MSS51: variants seen among roughly 807,000 people sequenced by gnomAD.
MSS51 encodes the protein putative protein MSS51 homolog, mitochondrial.
A neutral mutation model predicts 40.2 loss-of-function variants in MSS51; 32 were observed. The ratio of observed to expected loss-of-function variants is 0.80; its 90% CI spans 0.60 to 1.07. The LOEUF (loss-of-function observed/expected upper bound fraction) is 1.07, where lower values mean the gene tolerates loss of function less well. MSS51 is among the 50% of genes least tolerant of loss of function. MSS51 has a pLI of 0.00. For synonymous variants in MSS51, 178 were observed against 214.2 expected (o/e 0.83, Z 1.48); for missense variants, 518 against 568.9 (o/e 0.91, Z 0.91).
chr10:73,425,540 T>C (rs2132720684), intron 5 of MSS51, among the ~76,000 whole-genome samples: 1 of 151,674 alleles, frequency 6.6e-6, no homozygotes, highest in South Asian at 2.1e-4. Flanking sequence ...CAGGCGCCTG[T>C]AGTCCCAGCT....
In MSS51 at chr10:73,424,545, T is replaced by C. The variant is rs1403369308; in HGVS notation, c.*8A>G. On this transcript the variant is annotated 3_prime_UTR_variant, in exon 7 of 7. Transcript: ENST00000299432. ...TCCCCGTTTTCCAGATGTCCAGTTA[T>C]GATCTATTTAAATCCCGCCGTCCAC... 5 of 1,604,640 alleles carry C rather than the reference T, an allele frequency of 3.1e-6. No homozygotes were observed. Among genetic ancestry groups the C allele is most frequent in the South Asian group, 1.1e-5 (1 of 90,926 alleles).
Position 73,426,019 on chromosome 10 carries a change from A to G in MSS51, c.861T>C (p.Gly287=). ...LTRPGDYDEL[G]YMFPGHLGLR... ...GTCCAAGGTGCCCAGGAAACATGTA[A>G]CCAAGCTCATCATAGTCCCCTGGGC... Residue 287 remains glycine, a synonymous_variant, in exon 5 of 7, where the codon GGT becomes GGC. Coordinates refer to ENST00000299432, the MANE Select transcript of MSS51 (RefSeq NM_001024593.2). 6.2e-7 allele frequency: 1 copy of G among 1,614,188 alleles called. No individual in the cohort carries two copies. Among genetic ancestry groups the G allele is most frequent in the South Asian group, 1.1e-5 (1 of 91,086 alleles).
At chr10:73,432,061 C>T (rs1564542661) in intron 1 of MSS51, among the ~76,000 whole-genome samples, 1 of 152,174 alleles carries the variant, frequency 6.6e-6, no homozygotes, top group African/African-American at 2.4e-5. Flanking sequence ...TTCTTTGAGA[C>T]AGAGTCTCAC....
chr10:73,427,964 C>G, intron 2 of MSS51, 100 bp downstream of exon 2: 1 of 1,243,784 alleles, frequency 8.0e-7, no homozygotes, highest in East Asian at 2.5e-5. Context: ...TCTCTTATTG[C>G]AAATACTCCA....
At chr10:73,427,229 C>G (rs112623518) in intron 3 of MSS51, among the ~76,000 whole-genome samples, 6,862 of 148,322 alleles carry the variant, frequency 0.046, 494 homozygotes, top group African/African-American at 0.15. Context: ...TGAAAACTTT[C>G]AGATCTTTCC....
chr10:73,430,631 G>A (rs1487096264), intron 1 of MSS51, among the ~76,000 whole-genome samples: 1 of 151,474 alleles, frequency 6.6e-6, no homozygotes, highest in East Asian at 1.9e-4. Flanking sequence ...AAGTGTTGAT[G>A]AGGATATGGA....
At chr10:73,429,643 C>T (rs749591166) in intron 1 of MSS51, 32 of 456,406 alleles carry the variant, frequency 7.0e-5, no homozygotes, top group South Asian at 3.7e-4. Flanking sequence ...TGACTCTGTG[C>T]TGTCCTCTTT....
At chr10:73,426,776 TG>T (rs1157162160) in intron 3 of MSS51, 45 bp from the exon 4 acceptor site, 21 of 1,601,824 alleles carry the variant, frequency 1.3e-5, no homozygotes, top group Middle Eastern at 1.7e-4. Flanking sequence ...TAAATATGAT[TG>T]GGGTTATCGG....
At chr10:73,430,838 T>A (rs1322345161) in intron 1 of MSS51, among the ~76,000 whole-genome samples, 3 of 152,178 alleles carry the variant, frequency 2.0e-5, no homozygotes, top group Non-Finnish European at 4.4e-5. Flanking sequence ...AGCAGCACTA[T>A]TCGCAACAGC....
intron 1 of MSS51, among the ~76,000 whole-genome samples, chr10:73,432,448 T>C (rs1273172447): frequency 2.0e-5 from 3 of 152,170 alleles, no homozygotes; most frequent in African/African-American, 7.2e-5. Flanking sequence ...GAATTTATAA[T>C]AGATATCTCC....
chr10:73,428,963 G>C (rs1018066128), intron 1 of MSS51, among the ~76,000 whole-genome samples: 2 of 151,912 alleles, frequency 1.3e-5, no homozygotes, highest in African/African-American at 4.8e-5. Context: ...CCAGCACTTT[G>C]GGAGGCTGAG....
Position 73,429,057 on chromosome 10 carries a change from T to A in MSS51, c.-17-756A>T, listed in dbSNP as rs552910726. On this transcript the variant is annotated intron_variant, in intron 1 of 6. Coordinates refer to ENST00000299432, the MANE Select transcript of MSS51 (RefSeq NM_001024593.2). Reference sequence around the variant, plus strand: ...CCATCTGTACTAAAAATACAAAAAATTAGCTGGACGTGGTGGTGGGTGCCT... The same window carrying A: ...CCATCTGTACTAAAAATACAAAAAAATAGCTGGACGTGGTGGTGGGTGCCT... 1.9e-3 allele frequency among the ~76,000 whole-genome samples: 289 copies of A among 151,736 alleles called. 2 individuals carry two copies. The highest frequency in any genetic ancestry group is 6.7e-3 in the African/African-American group (279 of 41,372).
At chr10:73,431,620 T>G (rs1402664242) in intron 1 of MSS51, among the ~76,000 whole-genome samples, 2 of 152,352 alleles carry the variant, frequency 1.3e-5, no homozygotes, top group East Asian at 3.9e-4. Context: ...CTTAAAAACC[T>G]GTCCTCAGGT....
In MSS51 at chr10:73,429,604, T is replaced by C. The variant is rs1190715237; in HGVS notation, c.-17-1303A>G. On this transcript the variant is annotated intron_variant, in intron 1 of 6. Coordinates refer to ENST00000299432, the MANE Select transcript of MSS51 (RefSeq NM_001024593.2). ...AAAGTGGTAAGTTTTGAGGTAGAAG[T>C]AAGCCTACACTCAGTCACGATCTGG... is the stretch of plus-strand genomic sequence containing the variant. 16 of 456,406 alleles carry C rather than the reference T, an allele frequency of 3.5e-5. No homozygotes were observed. The Middle Eastern group carries it at 9.7e-4, about 28-fold the overall frequency. 28.3% of individuals were successfully genotyped at this position (456,406 alleles called of 1,614,324 possible). A position where few individuals can be genotyped will look rare whatever the true frequency, so the allele number is the denominator to read the frequency against.
intron 1 of MSS51, among the ~76,000 whole-genome samples, chr10:73,432,928 G>T (rs1329330404): frequency 1.3e-5 from 2 of 152,172 alleles, no homozygotes; most frequent in Non-Finnish European, 2.9e-5. Flanking sequence ...ACTCACAGGA[G>T]AAGCTGGAAA....
At position 73,426,283 on chromosome 10, in the gene MSS51, A is replaced by C; in HGVS notation, c.597T>G (p.Asp199Glu). ...SWFSMKGLHL[D>E]ATLDAVLVSH... ...TAACTAGCACAGCATCCAATGTAGC[A>C]TCTAGGTGTAACCCCTTCATAGAAA... Residue 199 changes from aspartate to glutamate, a missense_variant, in exon 5 of 7, where the codon GAT (aspartate) becomes GAG (glutamate). Coordinates refer to ENST00000299432, the MANE Select transcript of MSS51 (RefSeq NM_001024593.2). 6.2e-7 allele frequency: 1 copy of C among 1,610,610 alleles called. No individual in the cohort carries two copies. The highest frequency in any genetic ancestry group is 8.5e-7 in the Non-Finnish European group (1 of 1,180,026).
At chr10:73,425,732 G>A (rs2055979585) in intron 5 of MSS51, 79 bp downstream of exon 5, 17 of 1,268,238 alleles carry the variant, frequency 1.3e-5, no homozygotes, top group Non-Finnish European at 1.9e-5. Flanking sequence ...CAAATGAATG[G>A]GGTTCCAAAG....
At position 73,425,899 on chromosome 10, in the gene MSS51, G is replaced by A; in HGVS notation, c.981C>T (p.Ala327=). ...PLEPGTIQLS[A]HRGLYHDFWE... ...AGAAGTCATGGTAGAGGCCCCTGTG[G>A]GCACTAAGCTGAATTGTGCCAGGTT... The change falls in exon 5 of 7, where the codon GCC becomes GCT. Residue 327 remains alanine (A), a synonymous_variant. Transcript: ENST00000299432. 1.2e-6 allele frequency: 2 copies of A among 1,614,072 alleles called. No homozygotes were observed. Among genetic ancestry groups the A allele is most frequent in the Non-Finnish European group, 1.7e-6 (2 of 1,180,022 alleles).
Position 73,425,959 on chromosome 10 carries a change from A to T in MSS51, c.921T>A (p.Thr307=). 1 of 1,614,170 alleles carries T rather than the reference A, an allele frequency of 6.2e-7. No homozygotes were observed. The highest frequency in any genetic ancestry group is 8.5e-7 in the Non-Finnish European group (1 of 1,180,030). ...AAGTTGAGGTGCTCTGTGAAAAGCC[A>T]GTAGCTACATCTACACCCACCATGA... The part of the protein sequence containing the change: ...RVVMVGVDVA[T]GFSQSTSTSP... The change falls in exon 5 of 7, where the codon ACT becomes ACA. Residue 307 remains threonine, a synonymous_variant. Coordinates refer to ENST00000299432, the MANE Select transcript of MSS51 (RefSeq NM_001024593.2).
Sources: gnomAD v4.1 joint callset for allele counts (sites outside exome capture counted in the v4.1 genomes callset) on GRCh38, gnomAD v4.1.1 for gene constraint, MANE v1.5 for transcripts, NCBI Gene and HGNC (gene_info 2026-07-23, HGNC 2026-07-21) for gene names.